The following SEC62 variants were observed in gnomAD, a reference collection of about 807,000 sequenced individuals.
SEC62 encodes SEC62 preprotein translocation factor, also known as translocation protein SEC62.
In SEC62, 10 loss-of-function variants were observed where a neutral mutation model predicts 47.5. The ratio of observed to expected loss-of-function variants is 0.21; its 90% CI spans 0.13 to 0.36. SEC62 has a LOEUF of 0.36. Among genes scored for constraint, SEC62 ranks in the 10% least tolerant of loss-of-function variants. The pLI is 1.00. For missense variants in SEC62, 327 were observed against 464.1 expected (o/e 0.70, Z 2.71); for synonymous variants, 136 against 150.5 (o/e 0.90, Z 0.71).
intron 5 of SEC62, chr3:169,985,603 A>G: frequency 2.2e-6 from 1 of 450,124 alleles, no homozygotes; most frequent in East Asian, 3.6e-5. Flanking sequence ...TAGAATTTAT[A>G]GTTATCCTAT....
intron 3 of SEC62, among the ~76,000 whole-genome samples, chr3:169,979,293 G>A (rs546830039): frequency 4.1e-4 from 63 of 152,208 alleles, no homozygotes; most frequent in African/African-American, 1.5e-3. Context: ...AATCACAAAG[G>A]GTCTCTTGAC....
chr3:169,967,013 G>A (rs1000673078), intron 1 of SEC62, among the ~76,000 whole-genome samples, 155 bp downstream of exon 1: 3 of 152,204 alleles, frequency 2.0e-5, no homozygotes, highest in African/African-American at 7.2e-5. Context: ...GCTGCGCGTT[G>A]TGAGGGGCCT....
chr3:169,990,322 T>C (rs1715215232), intron 7 of SEC62, among the ~76,000 whole-genome samples: 1 of 152,086 alleles, frequency 6.6e-6, no homozygotes, highest in South Asian at 2.1e-4. Flanking sequence ...CACAATTATA[T>C]CTGGTGTTTC....
chr3:169,985,688 CT>C (rs1309346665), intron 5 of SEC62, 116 bp from the exon 6 acceptor site: 1 of 610,710 alleles, frequency 1.6e-6, no homozygotes, highest in African/African-American at 1.9e-5. Flanking sequence ...TTAGAAATTA[CT>C]TCTCGTATGT....
intron 1 of SEC62, among the ~76,000 whole-genome samples, chr3:169,973,678 A>G (rs1714762012): frequency 6.6e-6 from 1 of 151,722 alleles, no homozygotes; most frequent in Non-Finnish European, 1.5e-5. Context: ...AAAAAAAAAA[A>G]TCTACTTTTT....
chr3:169,967,165 G>A (rs1431764434), intron 1 of SEC62, among the ~76,000 whole-genome samples: 1 of 152,152 alleles, frequency 6.6e-6, no homozygotes, highest in Non-Finnish European at 1.5e-5. Flanking sequence ...GCGCTGTCCC[G>A]GGCCTGAGCT....
intron 5 of SEC62, chr3:169,985,429 G>A (rs1559966757): frequency 6.5e-6 from 1 of 154,920 alleles, no homozygotes. Context: ...TTTAGTAGAG[G>A]CAGGGTTTCA....
intron 1 of SEC62, among the ~76,000 whole-genome samples, chr3:169,973,796 A>G (rs1300554467): frequency 6.6e-6 from 1 of 152,216 alleles, no homozygotes; most frequent in African/African-American, 2.4e-5. Flanking sequence ...TATTGCCACA[A>G]ATAGCCCACA....
chr3:169,966,909 A>G, intron 1 of SEC62, 51 bp downstream of exon 1: 1 of 1,180,940 alleles, frequency 8.5e-7, no homozygotes, highest in Non-Finnish European at 1.1e-6. Flanking sequence ...GGATAGTGGA[A>G]GGGGCGGGGA....
chr3:169,975,292 A>AG (rs1333173337), intron 1 of SEC62, among the ~76,000 whole-genome samples: 1 of 151,938 alleles, frequency 6.6e-6, no homozygotes, highest in East Asian at 1.9e-4. Flanking sequence ...AAAAAAAAAA[A>AG]AAAAAAGACC....
At chr3:169,973,657 C>T (rs1252537083) in intron 1 of SEC62, among the ~76,000 whole-genome samples, 1 of 143,016 alleles carries the variant, frequency 7.0e-6, no homozygotes, top group Non-Finnish European at 1.5e-5. Flanking sequence ...AGCAAGACTG[C>T]GTCTCAAAAA....
intron 5 of SEC62, chr3:169,985,245 A>AT (rs914330984): frequency 3.3e-5 from 5 of 151,500 alleles, no homozygotes; most frequent in South Asian, 2.1e-4. Flanking sequence ...ACATGGAACA[A>AT]TTTTTTTTTC....
chr3:169,982,568 T>C (rs1030368951), intron 3 of SEC62, 139 bp from the exon 4 acceptor site: 2 of 992,114 alleles, frequency 2.0e-6, no homozygotes. Flanking sequence ...GACTACTTTT[T>C]CACGGGCATA....
At chr3:169,990,073 TATCTC>T (rs1166320658) in intron 7 of SEC62, among the ~76,000 whole-genome samples, 2 of 148,506 alleles carry the variant, frequency 1.3e-5, no homozygotes, top group South Asian at 2.1e-4. Flanking sequence ...TATTATATGA[TATCTC>T]ATATTTATAT....
At chr3:169,972,384 T>G (rs1192672645) in intron 1 of SEC62, among the ~76,000 whole-genome samples, 1 of 152,132 alleles carries the variant, frequency 6.6e-6, no homozygotes, top group East Asian at 1.9e-4. Flanking sequence ...TTTCAAACTT[T>G]ATCTTCCTCT....
At chr3:169,984,394 A>C (rs1176166541) in intron 5 of SEC62, among the ~76,000 whole-genome samples, 2 of 152,224 alleles carry the variant, frequency 1.3e-5, no homozygotes, top group African/African-American at 4.8e-5. Context: ...TGTGGTAAGC[A>C]TTAATGGTGT....
intron 6 of SEC62, among the ~76,000 whole-genome samples, chr3:169,986,542 T>TAA: frequency 6.6e-6 from 1 of 151,814 alleles, no homozygotes; most frequent in African/African-American, 2.4e-5. Context: ...CTAGAATAGA[T>TAA]AAAAAAAGAA....
intron 7 of SEC62, among the ~76,000 whole-genome samples, chr3:169,990,632 A>G (rs1428024969): frequency 1.3e-5 from 2 of 152,314 alleles, no homozygotes; most frequent in Non-Finnish European, 1.5e-5. Context: ...TGTAAAACCT[A>G]TCATTGCATC....
In SEC62 at chr3:169,983,043, G is replaced by A. The variant is rs528863427; in HGVS notation, c.457-118G>A. The A allele has an allele frequency of 4.5e-4, 657 of 1,469,522 alleles. 8 individuals carry two copies. The South Asian group carries it at 7.8e-3, about 17-fold the overall frequency. 91.0% of individuals were successfully genotyped at this position (1,469,522 alleles called of 1,614,324 possible). ...CTATATTAGAGTTGTTATAAATACC[G>A]TGGTTGAGAATTTTTATTTCTGTGT... On this transcript the variant is annotated intron_variant, in intron 4 of 7. Coordinates refer to ENST00000337002, the MANE Select transcript of SEC62 (RefSeq NM_003262.4).
Sources: gnomAD v4.1 joint callset for allele counts (sites outside exome capture counted in the v4.1 genomes callset) on GRCh38, gnomAD v4.1.1 for gene constraint, MANE v1.5 for transcripts, NCBI Gene and HGNC (gene_info 2026-07-23, HGNC 2026-07-21) for gene names.